The following FMN2 variants were observed in gnomAD, a reference collection of about 807,000 sequenced individuals.
FMN2 encodes formin-2.
In FMN2, 51 loss-of-function variants were observed where a neutral mutation model predicts 142.3. The ratio of observed to expected loss-of-function variants is 0.36; its 90% CI spans 0.29 to 0.45. The LOEUF is 0.45. Ranked by LOEUF, FMN2 falls within the 20% of genes least tolerant of loss-of-function variation. The pLI, the probability that FMN2 is intolerant of heterozygous loss-of-function variation, is 1.00. For missense variants in FMN2, 1,936 were observed against 2,122.8 expected, an observed-to-expected ratio of 0.91 and a Z score of 1.73; for synonymous variants, 882 against 869.8, an observed-to-expected ratio of 1.01 and a Z score of -0.25.
chr1:240,144,342 C>T (rs1402506772), intron 2 of FMN2: 1 of 1,606,172 alleles, frequency 6.2e-7, no homozygotes, highest in East Asian at 2.2e-5. Flanking sequence ...TAGATGTCAT[C>T]AGGCACCTTG....
chr1:240,470,207 G>GGAA (rs1553268780), intron 16 of FMN2, among the ~76,000 whole-genome samples: 5 of 131,074 alleles, frequency 3.8e-5, no homozygotes, highest in African/African-American at 1.4e-4. Context: ...ACTAAGTGCT[G>GGAA]AAAAAAAAAA....
rs1482743634 is a variant in FMN2, at chr1:240,178,014, G to C, written c.1876G>C (p.Gly626Arg). 2 of 1,612,240 alleles carry C rather than the reference G, an allele frequency of 1.2e-6. No homozygotes were observed. Among genetic ancestry groups the C allele is most frequent in the Middle Eastern group, 1.7e-4 (1 of 6,056 alleles). The change falls in exon 3 of 18, where the codon GGG becomes CGG. Residue 626 changes from glycine (G) to arginine (R), a missense_variant. Coordinates refer to ENST00000319653, the MANE Select transcript of FMN2 (RefSeq NM_020066.5). ...GTTTCCTAGGCGAGTTCCATCCATGGGGCCACCATCCAAACCTCCCGATGA... is the reference window on the plus strand; with the variant it reads ...GTTTCCTAGGCGAGTTCCATCCATGCGGCCACCATCCAAACCTCCCGATGA... ...GQFPRRVPSM[G>R]PPSKPPDEEH...
chr1:240,275,665 A>G (rs1345850790), intron 7 of FMN2, among the ~76,000 whole-genome samples: 1 of 152,164 alleles, frequency 6.6e-6, no homozygotes, highest in Non-Finnish European at 1.5e-5. Context: ...AGAAATTGCC[A>G]CACTGTCCTC....
At chr1:240,131,818 G>A (rs989006648) in intron 2 of FMN2, among the ~76,000 whole-genome samples, 4 of 152,182 alleles carry the variant, frequency 2.6e-5, no homozygotes, top group African/African-American at 4.8e-5. Flanking sequence ...AGAATGATGC[G>A]TAGAAAGGAG....
intron 16 of FMN2, chr1:240,459,555 A>G (rs1177528360): frequency 6.6e-6 from 1 of 151,950 alleles, no homozygotes; most frequent in African/African-American, 2.4e-5. Context: ...CCATCCTACT[A>G]AAAATACAAA....
chr1:240,432,422 A>C (rs1675208731), intron 15 of FMN2, among the ~76,000 whole-genome samples: 1 of 151,798 alleles, frequency 6.6e-6, no homozygotes, highest in Admixed American at 6.6e-5. Context: ...GGGGTTTATC[A>C]ATTTTATTAA....
intron 16 of FMN2, among the ~76,000 whole-genome samples, chr1:240,444,724 G>A (rs972566535): frequency 3.9e-5 from 6 of 152,130 alleles, no homozygotes; most frequent in Non-Finnish European, 7.3e-5. Flanking sequence ...CGAGCCCCTC[G>A]TGCCTTGTTA....
At chr1:240,458,841 A>G (rs1275530599) in intron 16 of FMN2, 1 of 152,052 alleles carries the variant, frequency 6.6e-6, no homozygotes, top group African/African-American at 2.4e-5. Context: ...TTGTTGTTTT[A>G]CTATTTTGTT....
intron 1 of FMN2, among the ~76,000 whole-genome samples, chr1:240,108,429 A>T (rs892700314): frequency 6.6e-6 from 1 of 152,158 alleles, no homozygotes; most frequent in Non-Finnish European, 1.5e-5. Flanking sequence ...TATGTGAGAT[A>T]CAGAATATGT....
chr1:240,427,937 G>A (rs1400160630), intron 15 of FMN2, among the ~76,000 whole-genome samples: 2 of 152,148 alleles, frequency 1.3e-5, no homozygotes. Flanking sequence ...TTGTAAAATG[G>A]TGACTTTTTA....
chr1:240,271,898 A>G (rs1487201974), intron 7 of FMN2, among the ~76,000 whole-genome samples: 3 of 152,156 alleles, frequency 2.0e-5, no homozygotes, highest in African/African-American at 7.2e-5. Flanking sequence ...GTCTTTTACT[A>G]CAAGTTCAGC....
intron 2 of FMN2, among the ~76,000 whole-genome samples, chr1:240,137,717 G>A (rs920827074): frequency 6.6e-6 from 1 of 152,136 alleles, no homozygotes; most frequent in Non-Finnish European, 1.5e-5. Context: ...TGATAGAAGA[G>A]TTTTCAGGTT....
chr1:240,432,393 T>C (rs1675207835), intron 15 of FMN2, among the ~76,000 whole-genome samples: 1 of 152,000 alleles, frequency 6.6e-6, no homozygotes, highest in Admixed American at 6.5e-5. Context: ...CTCTCTTTTT[T>C]TCTTCATCAG....
At chr1:240,168,651 G>A (rs1415031833) in intron 2 of FMN2, among the ~76,000 whole-genome samples, 1 of 151,970 alleles carries the variant, frequency 6.6e-6, no homozygotes, top group East Asian at 1.9e-4. Context: ...TGTGTTTATT[G>A]CTACCTAGTC....
chr1:240,091,951 A>T lies in FMN2; in HGVS notation c.-159A>T. The T allele has an allele frequency of 7.2e-6, 9 of 1,245,704 alleles. No homozygotes were observed. Among genetic ancestry groups the T allele is most frequent in the Non-Finnish European group, 8.3e-6 (8 of 958,932 alleles). The allele number at this position is 1,245,704 out of a possible 1,614,324, so 77.2% of individuals were successfully genotyped here. Reference sequence around the variant, plus strand: ...ATTATGCAAAGCGGCGGCAGATGCGAGCGGGGCCAGCCGGGCGCGCGTCGG... The same window carrying T: ...ATTATGCAAAGCGGCGGCAGATGCGTGCGGGGCCAGCCGGGCGCGCGTCGG... On this transcript the variant is annotated 5_prime_UTR_variant, in exon 1 of 18. Coordinates refer to ENST00000319653, the MANE Select transcript of FMN2 (RefSeq NM_020066.5).
At chr1:240,236,796 C>T (rs1039573715) in intron 6 of FMN2, among the ~76,000 whole-genome samples, 11 of 152,172 alleles carry the variant, frequency 7.2e-5, no homozygotes, top group African/African-American at 1.7e-4. Context: ...AGTCACCTCT[C>T]GCTAGGACTC....
At position 240,323,489 on chromosome 1, in the gene FMN2, CT is replaced by C. The variant is rs375636390; in HGVS notation, c.4216-5586del. Among the ~76,000 whole-genome samples the C allele has an allele frequency of 6.5e-3, 989 of 152,308 alleles. 9 individuals carry two copies. Among genetic ancestry groups the C allele is most frequent in the African/African-American group, 0.023 (936 of 41,578 alleles). The stretch of plus-strand genomic sequence containing the variant: ...GAGATTACAGGCGTGAGCCATGCCC[CT>C]GGCCCAGACCTTTGACCTTTTTCAC... On this transcript the variant is annotated intron_variant, in intron 8 of 17. Coordinates refer to ENST00000319653, the MANE Select transcript of FMN2 (RefSeq NM_020066.5).
At chr1:240,352,279 G>A (rs1047294713) in intron 13 of FMN2, among the ~76,000 whole-genome samples, 1 of 152,206 alleles carries the variant, frequency 6.6e-6, no homozygotes, top group Admixed American at 6.5e-5. Context: ...ATAGTTGATC[G>A]ATATCTGTGT....
rs181352581 is a variant in FMN2 at position 240,280,543 on chromosome 1, T to C, written c.4154-14279T>C. On this transcript the variant is annotated intron_variant, in intron 7 of 17. Coordinates refer to ENST00000319653, the MANE Select transcript of FMN2 (RefSeq NM_020066.5). ...ATGTGATCCCAGAGTTAGGGTTCTA[T>C]TTCCAGGGGAACTCACTAAGCCCTC... Among the ~76,000 whole-genome samples the C allele has an allele frequency of 2.7e-3, 405 of 152,290 alleles. 2 individuals are homozygous for C. The highest frequency in any genetic ancestry group is 3.9e-3 in the Non-Finnish European group (263 of 68,014).
Sources: allele counts gnomAD v4.1 joint callset (sites outside exome capture counted in the v4.1 genomes callset), GRCh38; gene constraint gnomAD v4.1.1; transcripts MANE v1.5; gene names NCBI Gene and HGNC (gene_info 2026-07-23, HGNC 2026-07-21).